RGS5: variants seen among roughly 807,000 people sequenced by gnomAD.
The protein encoded by RGS5 is regulator of G protein signaling 5.
A neutral mutation model predicts 18.9 loss-of-function variants in RGS5; 20 were observed. The observed-to-expected ratio is 1.06, with a 90% CI of 0.74 to 1.54. The LOEUF (loss-of-function observed/expected upper bound fraction) is 1.54, where lower values mean the gene tolerates loss of function less well. Ranked by LOEUF, RGS5 falls within the 40% of genes most tolerant of loss-of-function variation. The pLI, the probability that RGS5 is intolerant of heterozygous loss-of-function variation, is 0.00. For synonymous variants in RGS5, 57 were observed against 76.2 expected (o/e 0.75, Z 1.31); for missense variants, 201 against 211.8 (o/e 0.95, Z 0.32).
chr1:163,157,827 G>A (rs1657647883), intron 3 of RGS5, among the ~76,000 whole-genome samples: 1 of 152,006 alleles, frequency 6.6e-6, no homozygotes, highest in South Asian at 2.1e-4. Flanking sequence ...CCTCACACCT[G>A]GCTAATTTTC....
upstream of RGS5, among the ~76,000 whole-genome samples, chr1:163,203,418 G>T (rs1003987885): frequency 3.9e-5 from 6 of 152,178 alleles, no homozygotes; most frequent in African/African-American, 1.4e-4. Context: ...AGAAGAAAGA[G>T]AAAGCTCCCT....
chr1:163,177,785 T>C (rs12128615), intron 1 of RGS5, among the ~76,000 whole-genome samples: 43,478 of 152,134 alleles, frequency 0.29, 7,357 homozygotes, highest in East Asian at 0.65. Context: ...TGTTAATGCA[T>C]ATATTCCTCC....
intron 2 of RGS5, among the ~76,000 whole-genome samples, chr1:163,299,024 T>C (rs1649491799): frequency 6.6e-6 from 1 of 152,182 alleles, no homozygotes; most frequent in Non-Finnish European, 1.5e-5. Context: ...CTCACAGCCC[T>C]GCCTCTTAAA....
chr1:163,205,476 T>C (rs1007682382), upstream of RGS5, among the ~76,000 whole-genome samples: 2 of 151,546 alleles, frequency 1.3e-5, no homozygotes, highest in Admixed American at 6.6e-5. Flanking sequence ...ACAGTAAATA[T>C]ATGAAAAAGG....
At chr1:163,178,501 G>A (rs1001975300) in intron 1 of RGS5, among the ~76,000 whole-genome samples, 3 of 151,994 alleles carry the variant, frequency 2.0e-5, no homozygotes, top group African/African-American at 7.3e-5. Flanking sequence ...GAGCACAGAA[G>A]GGTACAACAA....
chr1:163,286,772 A>T (rs935571068), intron 2 of RGS5, among the ~76,000 whole-genome samples: 2 of 151,972 alleles, frequency 1.3e-5, no homozygotes, highest in African/African-American at 4.8e-5. Context: ...TTTAGCTCAT[A>T]TTTGCAGTAC....
chr1:163,253,799 C>A (rs924813791), intron 2 of RGS5, among the ~76,000 whole-genome samples: 3 of 147,884 alleles, frequency 2.0e-5, no homozygotes, highest in Non-Finnish European at 4.5e-5. Flanking sequence ...ATCCCTCCCC[C>A]CTCCCCACAC....
At chr1:163,229,382 C>T (rs1647415954) in intron 2 of RGS5, among the ~76,000 whole-genome samples, 1 of 152,146 alleles carries the variant, frequency 6.6e-6, no homozygotes, top group Admixed American at 6.5e-5. Context: ...GAAGCCTCCC[C>T]TGTGATCCAA....
chr1:163,246,498 G>C (rs141746979), intron 2 of RGS5, among the ~76,000 whole-genome samples: 3,117 of 152,034 alleles, frequency 0.021, 51 homozygotes, highest in South Asian at 0.052. Flanking sequence ...TTGAACCCAG[G>C]AGGTGGAGGT....
chr1:163,241,705 G>T (rs1647796975), intron 2 of RGS5, among the ~76,000 whole-genome samples: 1 of 152,124 alleles, frequency 6.6e-6, no homozygotes, highest in Admixed American at 6.5e-5. Flanking sequence ...CTTTGGTATG[G>T]CCATTCCATT....
At chr1:163,279,718 A>T (rs1158868008) in intron 2 of RGS5, among the ~76,000 whole-genome samples, 1 of 151,970 alleles carries the variant, frequency 6.6e-6, no homozygotes, top group African/African-American at 2.4e-5. Flanking sequence ...AAGATAAATA[A>T]AATGAAAAAT....
At chr1:163,261,881 A>T (rs1158203005) in intron 2 of RGS5, among the ~76,000 whole-genome samples, 1 of 151,822 alleles carries the variant, frequency 6.6e-6, no homozygotes, top group African/African-American at 2.4e-5. Flanking sequence ...TTGCATTCCT[A>T]TTTTTTTTTA....
intron 2 of RGS5, among the ~76,000 whole-genome samples, chr1:163,272,239 C>A (rs1295269763): frequency 6.6e-6 from 1 of 151,766 alleles, no homozygotes; most frequent in Non-Finnish European, 1.5e-5. Flanking sequence ...CTATGCCTAC[C>A]TTTTGCCTAT....
chr1:163,206,371 C>T (rs1167026626), upstream of RGS5, among the ~76,000 whole-genome samples: 1 of 151,224 alleles, frequency 6.6e-6, no homozygotes, highest in Non-Finnish European at 1.5e-5. Context: ...GTTTATGTTG[C>T]TTTTTGATTT....
intron 2 of RGS5, among the ~76,000 whole-genome samples, chr1:163,246,867 T>C (rs1329893185): frequency 2.0e-5 from 3 of 152,262 alleles, no homozygotes; most frequent in South Asian, 2.1e-4. Flanking sequence ...GATAAAGAAA[T>C]GTGGTACATA....
Position 163,147,498 on chromosome 1 carries a change from A to G in RGS5, c.390T>C (p.Asn130=). The change falls in exon 5 of 5, where the codon AAT becomes AAC. Residue 130 remains asparagine (N), a synonymous_variant. Transcript: ENST00000313961. ...FIQTEAPKEV[N]IDHFTKDITM... ...TGATGTCCTTAGTGAAGTGGTCAATATTCACCTGTGGGCCAGGAAACAGGG... is the reference window on the plus strand; with the variant it reads ...TGATGTCCTTAGTGAAGTGGTCAATGTTCACCTGTGGGCCAGGAAACAGGG... 1 of 1,587,104 alleles carries G rather than the reference A, an allele frequency of 6.3e-7. No homozygotes were observed.
intron 2 of RGS5, among the ~76,000 whole-genome samples, chr1:163,251,152 A>T (rs1425797562): frequency 6.6e-6 from 1 of 152,186 alleles, no homozygotes; most frequent in South Asian, 2.1e-4. Context: ...ATGCAAACCT[A>T]TACGAGATGA....
At chr1:163,161,784 T>C in intron 3 of RGS5, 131 bp downstream of exon 3, 1 of 666,602 alleles carries the variant, frequency 1.5e-6, no homozygotes, top group Non-Finnish European at 2.6e-6. Flanking sequence ...CCCCCTTCCC[T>C]TATTGATATC....
intron 1 of RGS5, among the ~76,000 whole-genome samples, chr1:163,177,745 A>G (rs991268111): frequency 6.6e-6 from 1 of 152,194 alleles, no homozygotes; most frequent in Non-Finnish European, 1.5e-5. Flanking sequence ...AGATAATAAT[A>G]ATAGCTTAAA....
Sources: gnomAD v4.1 joint callset for allele counts (sites outside exome capture counted in the v4.1 genomes callset) on GRCh38, gnomAD v4.1.1 for gene constraint, MANE v1.5 for transcripts, NCBI Gene and HGNC (gene_info 2026-07-23, HGNC 2026-07-21) for gene names.